The following SPIDR variants were observed in gnomAD, a reference collection of about 807,000 sequenced individuals.
The protein encoded by SPIDR is DNA repair-scaffolding protein.
A neutral mutation model predicts 104.6 loss-of-function variants in SPIDR; 93 were observed. The ratio of observed to expected loss-of-function variants is 0.89; its 90% CI spans 0.75 to 1.06. SPIDR has a LOEUF of 1.06. Ranked by LOEUF, SPIDR falls within the 50% of genes least tolerant of loss-of-function variation. SPIDR has a pLI of 0.00. For missense variants in SPIDR, 1,154 were observed against 1,111.2 expected, an observed-to-expected ratio of 1.04 and a Z score of -0.55; for synonymous variants, 431 against 416.9, an observed-to-expected ratio of 1.03 and a Z score of -0.41.
chr8:47,695,647 T>C (rs1037579196), intron 11 of SPIDR, among the ~76,000 whole-genome samples: 2 of 152,196 alleles, frequency 1.3e-5, no homozygotes, highest in Admixed American at 6.5e-5. Flanking sequence ...GCTGGTAATA[T>C]CAGCTAATGT....
chr8:47,573,517 G>A (rs566069520), intron 8 of SPIDR, among the ~76,000 whole-genome samples: 4 of 152,188 alleles, frequency 2.6e-5, no homozygotes, highest in African/African-American at 9.7e-5. Flanking sequence ...TTTGTAGGGG[G>A]CAACATGATG....
At position 47,287,793 on chromosome 8, in the gene SPIDR, A is replaced by G. The variant is rs1311124259; in HGVS notation, c.257-3240A>G. Among the ~76,000 whole-genome samples the G allele has an allele frequency of 2.0e-5, 3 of 152,160 alleles. No homozygotes were observed. The East Asian group carries it at 5.8e-4, about 29-fold the overall frequency. Reference sequence around the variant, plus strand: ...CTGATTTCATATTGTTCAAACACACATTTTACAATCAATTTGTACAGTTTA... The same window carrying G: ...CTGATTTCATATTGTTCAAACACACGTTTTACAATCAATTTGTACAGTTTA... On this transcript the variant is annotated intron_variant, in intron 3 of 19. Transcript: ENST00000297423.
chr8:47,384,878 A>G (rs1452144780), intron 5 of SPIDR, among the ~76,000 whole-genome samples: 1 of 152,124 alleles, frequency 6.6e-6, no homozygotes, highest in African/African-American at 2.4e-5. Context: ...TTGAAGGGAG[A>G]ACAAACATCC....
chr8:47,512,008 C>T, intron 8 of SPIDR: 1 of 761,110 alleles, frequency 1.3e-6, no homozygotes, highest in Non-Finnish European at 2.4e-6. Context: ...GTCTTCTTCC[C>T]CTCTGTCCTC....
At chr8:47,603,884 A>G (rs1454593801) in intron 10 of SPIDR, among the ~76,000 whole-genome samples, 2 of 152,182 alleles carry the variant, frequency 1.3e-5, no homozygotes, top group African/African-American at 4.8e-5. Context: ...TCCTTTTTCC[A>G]TACCTTGATG....
chr8:47,461,464 A>G (rs2073919376), intron 8 of SPIDR, among the ~76,000 whole-genome samples: 2 of 152,176 alleles, frequency 1.3e-5, no homozygotes, highest in Admixed American at 1.3e-4. Flanking sequence ...GGCACCTGCC[A>G]CCAGGTCCAG....
At chr8:47,478,130 A>C (rs2076488107) in intron 8 of SPIDR, among the ~76,000 whole-genome samples, 1 of 152,218 alleles carries the variant, frequency 6.6e-6, no homozygotes, top group Non-Finnish European at 1.5e-5. Context: ...CACAAGGAGT[A>C]CCAGAGGACA....
intron 8 of SPIDR, among the ~76,000 whole-genome samples, chr8:47,507,962 T>A (rs1276118713): frequency 6.6e-6 from 1 of 152,208 alleles, no homozygotes; most frequent in East Asian, 1.9e-4. Context: ...CTAGCCCATA[T>A]GGAGGGCTTT....
At chr8:47,362,789 A>G (rs1554631112) in intron 5 of SPIDR, among the ~76,000 whole-genome samples, 1 of 152,158 alleles carries the variant, frequency 6.6e-6, no homozygotes, top group Non-Finnish European at 1.5e-5. Context: ...AGCTGGGACT[A>G]CAGGCATGTG....
At chr8:47,407,509 A>AT (rs2062922619) in intron 6 of SPIDR, among the ~76,000 whole-genome samples, 1 of 152,238 alleles carries the variant, frequency 6.6e-6, no homozygotes. Flanking sequence ...AGGTGCCAGC[A>AT]TATAGCAGGT....
At chr8:47,300,300 C>G (rs1028671347) in intron 5 of SPIDR, among the ~76,000 whole-genome samples, 1 of 151,966 alleles carries the variant, frequency 6.6e-6, no homozygotes, top group South Asian at 2.1e-4. Flanking sequence ...TGGTGATATC[C>G]CCTTTATCAT....
chr8:47,312,711 A>T (rs2044445947), intron 5 of SPIDR, among the ~76,000 whole-genome samples: 1 of 152,018 alleles, frequency 6.6e-6, no homozygotes, highest in Admixed American at 6.6e-5. Context: ...GCTGTGCAGA[A>T]GCTCTTTAGT....
In SPIDR at chr8:47,668,471, T is replaced by TA. The variant is rs74274281; in HGVS notation, c.1545-5316dup. Reference sequence around the variant, plus strand: ...TAAGCTCCAACATCCATTCATGATTTAAAAAAAAAAAAAATTCCTTGACAA... The same window carrying TA: ...TAAGCTCCAACATCCATTCATGATTTAAAAAAAAAAAAAAATTCCTTGACAA... On this transcript the variant is annotated intron_variant, in intron 10 of 19. Coordinates refer to ENST00000297423, the MANE Select transcript of SPIDR (RefSeq NM_001080394.4). Among the ~76,000 whole-genome samples, 955 of 144,396 alleles carry TA rather than the reference T, an allele frequency of 6.6e-3. 6 individuals carry two copies. Among genetic ancestry groups the TA allele is most frequent in the African/African-American group, 0.02 (782 of 39,646 alleles). The allele number at this position is 144,396 out of a possible 152,430, so 94.7% of individuals were successfully genotyped here.
intron 5 of SPIDR, among the ~76,000 whole-genome samples, chr8:47,349,042 A>C (rs1280212098): frequency 1.3e-5 from 2 of 152,202 alleles, no homozygotes; most frequent in East Asian, 3.9e-4. Context: ...TCTGGTTTTT[A>C]GAATTTTCAG....
At chr8:47,392,389 G>A (rs2060705448) in intron 5 of SPIDR, among the ~76,000 whole-genome samples, 1 of 152,166 alleles carries the variant, frequency 6.6e-6, no homozygotes, top group South Asian at 2.1e-4. Context: ...TGTTTGCTTT[G>A]TATTTTTAGT....
At chr8:47,324,582 T>C (rs1278073800) in intron 5 of SPIDR, among the ~76,000 whole-genome samples, 2 of 152,198 alleles carry the variant, frequency 1.3e-5, no homozygotes, top group African/African-American at 4.8e-5. Context: ...GTTAGAGCAA[T>C]TAACACCTAT....
chr8:47,671,217 C>A (rs1220738339), intron 10 of SPIDR, among the ~76,000 whole-genome samples: 2 of 152,088 alleles, frequency 1.3e-5, no homozygotes, highest in Non-Finnish European at 1.5e-5. Flanking sequence ...GTCTAGAAAT[C>A]ATTTTAGTAA....
At chr8:47,457,020 G>A (rs569733200) in intron 8 of SPIDR, among the ~76,000 whole-genome samples, 1 of 152,266 alleles carries the variant, frequency 6.6e-6, no homozygotes, top group African/African-American at 2.4e-5. Context: ...TGGGCATTTG[G>A]ACTGGTTCCA....
intron 5 of SPIDR, among the ~76,000 whole-genome samples, chr8:47,372,477 T>G (rs2058150001): frequency 6.6e-6 from 1 of 151,930 alleles, no homozygotes; most frequent in South Asian, 2.1e-4. Context: ...ATACAAAAAA[T>G]TAGCCAGGTG....
Sources: allele counts gnomAD v4.1 joint callset (sites outside exome capture counted in the v4.1 genomes callset), GRCh38; gene constraint gnomAD v4.1.1; transcripts MANE v1.5; gene names NCBI Gene and HGNC (gene_info 2026-07-23, HGNC 2026-07-21).